Variants in ZNF66 observed in about 807,000 individuals in gnomAD.
The protein encoded by ZNF66 is putative zinc finger protein 66.
A neutral mutation model predicts 35.2 loss-of-function variants in ZNF66; 32 were observed. The ratio of observed to expected loss-of-function variants is 0.91; its 90% confidence interval spans 0.69 to 1.22. ZNF66 has a LOEUF of 1.22. ZNF66 is among the 50% of genes most tolerant of loss of function. ZNF66 has a pLI of 0.00. For synonymous variants in ZNF66, 231 were observed against 181.3 expected, an observed-to-expected ratio of 1.27 and a Z score of -2.20; for missense variants, 666 against 543.1, an observed-to-expected ratio of 1.23 and a Z score of -2.25.
intron 3 of ZNF66, among the ~76,000 whole-genome samples, chr19:20,800,247 C>T (rs936830171): frequency 6.6e-6 from 1 of 152,122 alleles, no homozygotes; most frequent in Non-Finnish European, 1.5e-5. Context: ...AAACTTTTGG[C>T]CCCAGTGGAT....
intron 1 of ZNF66, among the ~76,000 whole-genome samples, chr19:20,787,110 TAATC>T (rs1971293875): frequency 6.6e-6 from 1 of 152,204 alleles, no homozygotes. Flanking sequence ...ATCTAATTAA[TAATC>T]AATGCTATTT....
At chr19:20,803,265 GTTTTA>G (rs940432021) in intron 3 of ZNF66, among the ~76,000 whole-genome samples, 5 of 149,828 alleles carry the variant, frequency 3.3e-5, no homozygotes, top group Admixed American at 2.7e-4. Context: ...TTATTTTATT[GTTTTA>G]TTTTATTCTT....
At position 20,776,362 on chromosome 19, in the gene ZNF66, C is replaced by G. The variant is rs7251612; in HGVS notation, c.-86C>G. 0.13 allele frequency: 196,428 copies of G among 1,505,322 alleles called. 13,601 individuals carry two copies. Among genetic ancestry groups the G allele is most frequent in the Non-Finnish European group, 0.14 (154,031 of 1,083,698 alleles). The allele number at this position is 1,505,322 out of a possible 1,614,324, so 93.2% of individuals were successfully genotyped here. ...GTTCACTGCTCTCTGTCTTCTTCTCCTAGAGGCCCAGCCTCTGTGGCCCTG... is the reference window on the plus strand; with the variant it reads ...GTTCACTGCTCTCTGTCTTCTTCTCGTAGAGGCCCAGCCTCTGTGGCCCTG... On this transcript the variant is annotated 5_prime_UTR_variant, in exon 1 of 4. Transcript: ENST00000344519.
At chr19:20,777,571 T>A (rs1460436761) in intron 1 of ZNF66, among the ~76,000 whole-genome samples, 1 of 151,728 alleles carries the variant, frequency 6.6e-6, no homozygotes, top group Non-Finnish European at 1.5e-5. Context: ...CTGGCATTTT[T>A]CACATGTGTC....
At chr19:20,792,927 G>A (rs1178641827) in intron 2 of ZNF66, among the ~76,000 whole-genome samples, 1 of 151,868 alleles carries the variant, frequency 6.6e-6, no homozygotes, top group African/African-American at 2.4e-5. Flanking sequence ...AATTAGCTGC[G>A]GGCTGTGGCA....
chr19:20,805,484 A>G (rs441874), intron 3 of ZNF66, among the ~76,000 whole-genome samples: 14,151 of 151,978 alleles, frequency 0.093, 675 homozygotes, highest in Middle Eastern at 0.11. Flanking sequence ...GAGCCATCAC[A>G]CCTGACCAGC....
intron 3 of ZNF66, among the ~76,000 whole-genome samples, chr19:20,796,957 T>A (rs1001744288): frequency 1.3e-5 from 2 of 152,036 alleles, no homozygotes; most frequent in Non-Finnish European, 2.9e-5. Context: ...TTCAAGCAAT[T>A]CTCATGCCTC....
intron 3 of ZNF66, among the ~76,000 whole-genome samples, chr19:20,796,147 C>T (rs1467562070): frequency 6.6e-6 from 1 of 152,058 alleles, no homozygotes; most frequent in Admixed American, 6.6e-5. Flanking sequence ...CGTTAATGTA[C>T]CATGTATCTG....
chr19:20,809,668 C>A lies in ZNF66; in HGVS notation c.*2346C>A, dbSNP rs938662559. Among the ~76,000 whole-genome samples, 96 of 152,036 alleles carry A rather than the reference C, an allele frequency of 6.3e-4. No homozygotes were observed. The highest frequency in any genetic ancestry group is 2.0e-3 in the African/African-American group (82 of 41,476). On this transcript the variant is annotated 3_prime_UTR_variant, in exon 4 of 4. Coordinates refer to ENST00000344519, the MANE Select transcript of ZNF66 (RefSeq NM_001355197.2). ...CACCACCAGGCCTGCCCTAAAAGAG[C>A]TCCTGAAGGAAGCACTAAACATGGA... is the stretch of plus-strand genomic sequence containing the variant.
chr19:20,800,422 C>T (rs541502445), intron 3 of ZNF66, among the ~76,000 whole-genome samples: 4 of 152,078 alleles, frequency 2.6e-5, no homozygotes, highest in Non-Finnish European at 5.9e-5. Flanking sequence ...TCTATGAAGC[C>T]TATTTGGTCT....
At chr19:20,799,808 T>C (rs1971431657) in intron 3 of ZNF66, among the ~76,000 whole-genome samples, 1 of 152,198 alleles carries the variant, frequency 6.6e-6, no homozygotes, top group South Asian at 2.1e-4. Flanking sequence ...TCTTTGTGTA[T>C]CACATTGTTT....
In ZNF66 at chr19:20,783,092, A is replaced by G. The variant is rs191307500; in HGVS notation, c.3+6642A>G. 5.8e-3 allele frequency among the ~76,000 whole-genome samples: 879 copies of G among 152,222 alleles called. 8 individuals are homozygous for G. Among genetic ancestry groups the G allele is most frequent in the South Asian group, 0.016 (75 of 4,830 alleles). On this transcript the variant is annotated intron_variant, in intron 1 of 3. Transcript: ENST00000344519. ...AGTGCTAGGTAGTTATTTTAGCACCATTTGTTAAATAGAGAATTCTTGCTG... is the reference window on the plus strand; with the variant it reads ...AGTGCTAGGTAGTTATTTTAGCACCGTTTGTTAAATAGAGAATTCTTGCTG...
At chr19:20,801,767 A>G (rs1393591388) in intron 3 of ZNF66, among the ~76,000 whole-genome samples, 2 of 148,908 alleles carry the variant, frequency 1.3e-5, no homozygotes, top group Non-Finnish European at 3.0e-5. Context: ...GCTGGGTTAC[A>G]TGAATGTGCC....
In ZNF66 at chr19:20,805,898, C is replaced by G. The variant is rs1423907194; in HGVS notation, c.298C>G (p.Leu100Val). Residue 100 changes from leucine to valine, a missense_variant, in exon 4 of 4, where the codon CTG becomes GTG. Transcript: ENST00000344519. Reference protein sequence around the residue: ...SIKDSFQKLILRRHKKCGHDN... With the variant: ...SIKDSFQKLIVRRHKKCGHDN... ...AAAAGATTCTTTCCAAAAACTGATA[C>G]TGAGAAGGCATAAAAAATGTGGACA... 1 of 661,636 alleles carries G rather than the reference C, an allele frequency of 1.5e-6. No individual in the cohort carries two copies. The highest frequency in any genetic ancestry group is 1.8e-5 in the African/African-American group (1 of 55,282). The allele number at this position is 661,636 out of a possible 1,614,324, so 41.0% of individuals were successfully genotyped here.
chr19:20,781,386 C>T (rs1971243696), intron 1 of ZNF66, among the ~76,000 whole-genome samples: 2 of 152,188 alleles, frequency 1.3e-5, no homozygotes, highest in African/African-American at 4.8e-5. Flanking sequence ...AGTTCTCCCA[C>T]CCTCCACCCT....
rs1406637747 is a variant in ZNF66, at chr19:20,808,421, C to CG, written c.*1100dup. ...CCTCCTCAAGTGGGTCTCTGACCCC[C>CG]GAGCAGCCTAACTGGGAGGCACACC... On this transcript the variant is annotated 3_prime_UTR_variant, in exon 4 of 4. Transcript: ENST00000344519. 6.6e-6 allele frequency among the ~76,000 whole-genome samples: 1 copy of CG among 152,280 alleles called. No homozygotes were observed. The highest frequency in any genetic ancestry group is 2.4e-5 in the African/African-American group (1 of 41,568).
intron 1 of ZNF66, among the ~76,000 whole-genome samples, chr19:20,783,917 C>T (rs1402090002): frequency 1.3e-5 from 2 of 152,130 alleles, no homozygotes; most frequent in Non-Finnish European, 2.9e-5. Flanking sequence ...AGTGCAGTGG[C>T]GTGATCTCAG....
chr19:20,794,888 T>TTTTTTA (rs67126503), intron 3 of ZNF66, among the ~76,000 whole-genome samples: 1 of 146,178 alleles, frequency 6.8e-6, no homozygotes, highest in Non-Finnish European at 1.5e-5. Flanking sequence ...TTTTTTTTTT[T>TTTTTTA]GAGAGGGGCT....
rs1971350558 is a variant in ZNF66, at chr19:20,792,774, T to G, written c.130+136T>G. ...TTTCAAGAAAATCTTCAGAATTTGT[T>G]CATTTAGAAAAGAATTACTTTGGTG... On this transcript the variant is annotated intron_variant, in intron 2 of 3. Transcript: ENST00000344519. 4.8e-6 allele frequency: 3 copies of G among 620,482 alleles called. No individual in the cohort carries two copies. The East Asian group carries it at 1.1e-4, about 22-fold the overall frequency. 38.4% of individuals were successfully genotyped at this position (620,482 alleles called of 1,614,324 possible).
Sources: gnomAD v4.1 joint callset for allele counts (sites outside exome capture counted in the v4.1 genomes callset) on GRCh38, gnomAD v4.1.1 for gene constraint, MANE v1.5 for transcripts, NCBI Gene and HGNC (gene_info 2026-07-23, HGNC 2026-07-21) for gene names.